The following LNPK variants were observed in gnomAD, a reference collection of about 807,000 sequenced individuals.
The protein encoded by LNPK is endoplasmic reticulum junction formation protein lunapark.
A neutral mutation model predicts 55.2 loss-of-function variants in LNPK; 29 were observed. The ratio of observed to expected loss-of-function variants is 0.53; its 90% CI spans 0.39 to 0.72. The LOEUF is 0.72. LNPK is among the 30% of genes least tolerant of loss of function. The pLI is 0.00. For synonymous variants in LNPK, 162 were observed against 168.2 expected (o/e 0.96, Z 0.29); for missense variants, 467 against 494.8 (o/e 0.94, Z 0.53).
intron 4 of LNPK, among the ~76,000 whole-genome samples, chr2:175,990,315 C>A (rs1325929088): frequency 6.6e-6 from 1 of 152,132 alleles, no homozygotes; most frequent in African/African-American, 2.4e-5. Context: ...GAAACTGGCA[C>A]CTCCCCTATC....
intron 8 of LNPK, among the ~76,000 whole-genome samples, chr2:175,957,517 A>G (rs62187004): frequency 0.072 from 10,911 of 151,168 alleles, 421 homozygotes; most frequent in South Asian, 0.096. Context: ...CTACTCATGG[A>G]CAGTTCCAAA....
intron 6 of LNPK, among the ~76,000 whole-genome samples, chr2:175,967,447 A>T (rs1686426647): frequency 1.3e-5 from 2 of 152,204 alleles, no homozygotes; most frequent in Admixed American, 6.5e-5. Flanking sequence ...ACAATTCTAC[A>T]AATATTTAAT....
rs572378569 is a variant in LNPK at position 175,958,505 on chromosome 2, CAGAA to C, written c.493+5863_493+5866del. On this transcript the variant is annotated intron_variant, in intron 8 of 12. Transcript: ENST00000272748. ...GACTGTTAGAAGGAAAACTAACAAA[CAGAA>C]AGGAATAGTATCAACATCAACAAAA... 1.0e-3 allele frequency among the ~76,000 whole-genome samples: 159 copies of C among 152,248 alleles called. 1 individual carries two copies. Among genetic ancestry groups the C allele is most frequent in the African/African-American group, 3.4e-3 (142 of 41,568 alleles).
chr2:175,961,117 T>C (rs774607937), intron 8 of LNPK, among the ~76,000 whole-genome samples: 1 of 152,212 alleles, frequency 6.6e-6, no homozygotes, highest in Non-Finnish European at 1.5e-5. Context: ...AGCTGAATTC[T>C]ACCAGAGGTA....
At chr2:175,941,178 G>A (rs1391889021) in intron 9 of LNPK, 2 of 317,506 alleles carry the variant, frequency 6.3e-6, no homozygotes, top group African/African-American at 4.5e-5. Context: ...TTGAACCCAC[G>A]AGGTGGAGGC....
chr2:175,991,506 T>A (rs1318084161), intron 4 of LNPK, among the ~76,000 whole-genome samples: 1 of 152,214 alleles, frequency 6.6e-6, no homozygotes, highest in African/African-American at 2.4e-5. Flanking sequence ...CACATTTTTT[T>A]ATAGTAGTAT....
At chr2:175,952,664 C>A (rs944454126) in intron 8 of LNPK, among the ~76,000 whole-genome samples, 5 of 151,572 alleles carry the variant, frequency 3.3e-5, no homozygotes, top group African/African-American at 1.2e-4. Context: ...ACTTTATAAC[C>A]TCTTCCTTCC....
At chr2:175,938,196 G>T in intron 11 of LNPK, 117 bp downstream of exon 11, 1 of 623,276 alleles carries the variant, frequency 1.6e-6, no homozygotes, top group Non-Finnish European at 2.8e-6. Context: ...AGGATAATAT[G>T]CCTAACCAAT....
At chr2:175,999,931 A>T (rs540018480) in intron 1 of LNPK, among the ~76,000 whole-genome samples, 13 of 152,090 alleles carry the variant, frequency 8.5e-5, no homozygotes, top group Non-Finnish European at 1.3e-4. Flanking sequence ...ACTCCCGACT[A>T]ATTTTTGTGT....
chr2:175,982,738 T>G (rs1398941755), intron 4 of LNPK, among the ~76,000 whole-genome samples: 3 of 152,186 alleles, frequency 2.0e-5, no homozygotes, highest in Non-Finnish European at 4.4e-5. Flanking sequence ...ACTAAAGTAC[T>G]TCAGGACTCT....
chr2:175,980,737 T>C (rs1398214033), intron 4 of LNPK, among the ~76,000 whole-genome samples: 1 of 151,944 alleles, frequency 6.6e-6, no homozygotes, highest in Non-Finnish European at 1.5e-5. Flanking sequence ...TGAAACCCCA[T>C]CTCTACTGAA....
Position 175,964,442 on chromosome 2 carries a change from T to G in LNPK, c.442-19A>C. On this transcript the variant is annotated intron_variant, in intron 7 of 12. Transcript: ENST00000272748. The stretch of plus-strand genomic sequence containing the variant: ...CACACTCCTGTCAATTATAATAATG[T>G]TATTACAGTGACCTATTACAATGTG... 1 of 1,609,018 alleles carries G rather than the reference T, an allele frequency of 6.2e-7. No homozygotes were observed. The highest frequency in any genetic ancestry group is 8.5e-7 in the Non-Finnish European group (1 of 1,175,348).
chr2:175,986,689 T>C (rs1687430821), intron 4 of LNPK, among the ~76,000 whole-genome samples: 1 of 151,812 alleles, frequency 6.6e-6, no homozygotes, highest in Non-Finnish European at 1.5e-5. Flanking sequence ...AAAAATCATA[T>C]GGTATCTCCA....
intron 1 of LNPK, among the ~76,000 whole-genome samples, chr2:176,001,155 T>C (rs1442165165): frequency 6.6e-6 from 1 of 152,166 alleles, no homozygotes. Context: ...TAAGAAAATG[T>C]GTTAAAAGTC....
intron 1 of LNPK, among the ~76,000 whole-genome samples, chr2:175,998,378 G>A (rs995020015): frequency 6.6e-6 from 1 of 151,212 alleles, no homozygotes; most frequent in Non-Finnish European, 1.5e-5. Flanking sequence ...AGGAGGCGGA[G>A]GTTGCAGTGA....
chr2:175,953,484 T>C (rs574968461), intron 8 of LNPK, among the ~76,000 whole-genome samples: 55 of 152,246 alleles, frequency 3.6e-4, no homozygotes, highest in Admixed American at 3.5e-3. Context: ...CCAATTATGT[T>C]CTTTATCTGG....
chr2:175,961,998 G>A (rs1686056178), intron 8 of LNPK, among the ~76,000 whole-genome samples: 1 of 152,190 alleles, frequency 6.6e-6, no homozygotes, highest in South Asian at 2.1e-4. Context: ...ACTTACAAGA[G>A]ATGTGAATGA....
chr2:175,928,796 C>T lies in LNPK; in HGVS notation c.*1171G>A, dbSNP rs1458843379. On this transcript the variant is annotated 3_prime_UTR_variant, in exon 13 of 13. Transcript: ENST00000272748. ...TGAGACACATTTTTTCCAGTTAATC[C>T]TTAATACAAATATTAAATCCAATTA... 6.6e-6 allele frequency: 1 copy of T among 151,898 alleles called. No homozygotes were observed. Among genetic ancestry groups the T allele is most frequent in the Non-Finnish European group, 1.5e-5 (1 of 67,972 alleles). 9.4% of individuals were successfully genotyped at this position (151,898 alleles called of 1,614,324 possible).
At chr2:175,958,414 AC>A (rs1227609534) in intron 8 of LNPK, among the ~76,000 whole-genome samples, 2 of 152,184 alleles carry the variant, frequency 1.3e-5, no homozygotes, top group Non-Finnish European at 2.9e-5. Flanking sequence ...CTCTGGTGAT[AC>A]CCAGGCAAAC....
Sources: allele counts gnomAD v4.1 joint callset (sites outside exome capture counted in the v4.1 genomes callset), GRCh38; gene constraint gnomAD v4.1.1; transcripts MANE v1.5; gene names NCBI Gene and HGNC (gene_info 2026-07-23, HGNC 2026-07-21).